RB1: variants seen among roughly 807,000 people sequenced by gnomAD.
The protein encoded by RB1 is retinoblastoma-associated protein.
RB1 carries 18 observed loss-of-function variants against 135.4 expected under a neutral mutation model. The ratio of observed to expected loss-of-function variants is 0.13; its 90% confidence interval spans 0.09 to 0.20. RB1 has a LOEUF of 0.20. Ranked by LOEUF, RB1 falls within the 10% of genes least tolerant of loss-of-function variation. The pLI, the probability that RB1 is intolerant of heterozygous loss-of-function variation, is 1.00. For synonymous variants in RB1, 365 were observed against 373.2 expected, an observed-to-expected ratio of 0.98 and a Z score of 0.25; for missense variants, 868 against 1,110.0, an observed-to-expected ratio of 0.78 and a Z score of 3.10.
At chr13:48,379,294 T>C (rs1335452374) in intron 13 of RB1, among the ~76,000 whole-genome samples, 1 of 152,172 alleles carries the variant, frequency 6.6e-6, no homozygotes, top group Non-Finnish European at 1.5e-5. Context: ...ATACTTAAGT[T>C]GTGAGTTTTA....
intron 17 of RB1, among the ~76,000 whole-genome samples, chr13:48,421,338 C>T (rs2138242949): frequency 6.6e-6 from 1 of 152,256 alleles, no homozygotes; most frequent in East Asian, 1.9e-4. Flanking sequence ...AACTGGACCC[C>T]TTTCTTACAC....
chr13:48,396,502 T>C (rs1948649476), intron 17 of RB1, among the ~76,000 whole-genome samples: 1 of 152,144 alleles, frequency 6.6e-6, no homozygotes, highest in Non-Finnish European at 1.5e-5. Context: ...TAACTCAAAA[T>C]GGATTAAAGA....
At chr13:48,307,226 A>G in intron 1 of RB1, 54 bp from the exon 2 acceptor site, 1 of 1,460,812 alleles carries the variant, frequency 6.8e-7, no homozygotes, top group Non-Finnish European at 9.6e-7. Flanking sequence ...GTATGTACTG[A>G]ATCAATTTGA....
intron 17 of RB1, among the ~76,000 whole-genome samples, chr13:48,398,607 A>G (rs1001309599): frequency 6.6e-6 from 1 of 151,874 alleles, no homozygotes; most frequent in African/African-American, 2.4e-5. Flanking sequence ...AGCTCTCTTT[A>G]AGTAATTTGT....
At position 48,400,554 on chromosome 13, in the gene RB1, C is replaced by T. The variant is rs367561910; in HGVS notation, c.1695+19111C>T. On this transcript the variant is annotated intron_variant, in intron 17 of 26. Transcript: ENST00000267163. Reference sequence around the variant, plus strand: ...TGTTACTATGCTATGGCAAAAAGGGCCTAGACTTTGAATTAGCGGATCTTA... The same window carrying T: ...TGTTACTATGCTATGGCAAAAAGGGTCTAGACTTTGAATTAGCGGATCTTA... 1.1e-4 allele frequency among the ~76,000 whole-genome samples: 16 copies of T among 152,148 alleles called. No individual in the cohort carries two copies. In the East Asian group the frequency reaches 1.4e-3, roughly 13 times the overall value.
At chr13:48,346,026 A>G (rs1033708094) in intron 4 of RB1, among the ~76,000 whole-genome samples, 2 of 151,772 alleles carry the variant, frequency 1.3e-5, no homozygotes, top group Non-Finnish European at 2.9e-5. Flanking sequence ...GAAAAAACTC[A>G]AAGGCCTAGG....
chr13:48,319,212 C>T lies in RB1; in HGVS notation c.264+11806C>T. The T allele has an allele frequency of 4.1e-6, 3 of 733,822 alleles. No homozygotes were observed. The highest frequency in any genetic ancestry group is 8.9e-4 in the Middle Eastern group (2 of 2,246). 45.5% of individuals were successfully genotyped at this position (733,822 alleles called of 1,614,324 possible). On this transcript the variant is annotated intron_variant, in intron 2 of 26. Coordinates refer to ENST00000267163, the MANE Select transcript of RB1 (RefSeq NM_000321.3). The surrounding 1 kb of genome is among the most constrained non-coding windows in gnomAD (Gnocchi z 5.0). The stretch of plus-strand genomic sequence containing the variant: ...TGTGGCCTTGGTGGCCACTGGCTTC[C>T]TCTAGCTGGGTGTTTTCCTGTGGGT...
intron 17 of RB1, chr13:48,408,767 C>T (rs1215284868): frequency 1.3e-5 from 2 of 152,086 alleles, no homozygotes; most frequent in African/African-American, 4.8e-5. Context: ...CATTTATCTT[C>T]CTGTTGACAA....
intron 26 of RB1, among the ~76,000 whole-genome samples, chr13:48,478,839 C>CA (rs1476023993): frequency 1.3e-5 from 2 of 152,184 alleles, no homozygotes; most frequent in Non-Finnish European, 2.9e-5. Flanking sequence ...ATAAAGAACT[C>CA]ATGCCTACCT....
intron 6 of RB1, among the ~76,000 whole-genome samples, chr13:48,356,463 GA>G (rs1005825025): frequency 2.0e-5 from 3 of 151,842 alleles, no homozygotes; most frequent in African/African-American, 7.2e-5. Context: ...CTAAGATTAT[GA>G]AAAAATGTGA....
chr13:48,341,692 G>A (rs761832741), intron 2 of RB1, among the ~76,000 whole-genome samples: 2 of 151,894 alleles, frequency 1.3e-5, no homozygotes, highest in Admixed American at 6.6e-5. Context: ...TTGGATGGTG[G>A]TAAACCTTTA....
intron 13 of RB1, among the ~76,000 whole-genome samples, chr13:48,378,886 C>T (rs1309457500): frequency 2.0e-5 from 3 of 151,920 alleles, no homozygotes; most frequent in Admixed American, 6.6e-5. Context: ...CGTTGTTATG[C>T]GGTGCATGAT....
chr13:48,338,103 G>T (rs552692694), intron 2 of RB1, among the ~76,000 whole-genome samples: 2 of 152,288 alleles, frequency 1.3e-5, no homozygotes, highest in South Asian at 4.1e-4. Flanking sequence ...CTCTCTGGCT[G>T]CCTTAACATT....
intron 24 of RB1, 37 bp downstream of exon 24, chr13:48,473,427 A>C (rs1227168769): frequency 1.3e-6 from 2 of 1,487,300 alleles, no homozygotes; most frequent in South Asian, 2.3e-5. Flanking sequence ...AATAGTATGC[A>C]TTGTAAGTAT....
intron 2 of RB1, among the ~76,000 whole-genome samples, chr13:48,324,907 A>T: frequency 1.4e-5 from 2 of 147,188 alleles, no homozygotes; most frequent in African/African-American, 2.5e-5. Flanking sequence ...AATTATTTGG[A>T]GCTTCATTCA....
chr13:48,328,003 C>G lies in RB1; in HGVS notation c.265-14596C>G, dbSNP rs554059295. 1.0e-3 allele frequency: 685 copies of G among 665,060 alleles called. 10 individuals are homozygous for G. The South Asian group carries it at 0.012, about 12-fold the overall frequency. 41.2% of individuals were successfully genotyped at this position (665,060 alleles called of 1,614,324 possible). A position where few individuals can be genotyped will look rare whatever the true frequency, so the allele number is the denominator to read the frequency against. ...AAAAAAAAGTGGCTCCAAAGGTAGT[C>G]TTATACCATTCTTAAAAAAAGGAAA... On this transcript the variant is annotated intron_variant, in intron 2 of 26. Coordinates refer to ENST00000267163, the MANE Select transcript of RB1 (RefSeq NM_000321.3).
intron 2 of RB1, chr13:48,318,440 G>C (rs1458373694): frequency 8.3e-6 from 12 of 1,454,526 alleles, no homozygotes; most frequent in African/African-American, 2.8e-5. Flanking sequence ...AGCTGCTCTT[G>C]TCTTCGGAGC....
intron 2 of RB1, among the ~76,000 whole-genome samples, chr13:48,312,110 A>G (rs1952136334): frequency 2.6e-5 from 4 of 152,294 alleles, no homozygotes; most frequent in African/African-American, 4.8e-5. Flanking sequence ...TTTTTTATCC[A>G]AATTTATATC....
At chr13:48,367,300 A>G (rs1166234943) in intron 9 of RB1, among the ~76,000 whole-genome samples, 194 bp from the exon 10 acceptor site, 1 of 152,166 alleles carries the variant, frequency 6.6e-6, no homozygotes, top group Non-Finnish European at 1.5e-5. Flanking sequence ...ACCTAAAATC[A>G]AAGTTGAACA....
Sources: allele counts gnomAD v4.1 joint callset (sites outside exome capture counted in the v4.1 genomes callset), GRCh38; gene constraint gnomAD v4.1.1; non-coding constraint Gnocchi (gnomAD v3.1); transcripts MANE v1.5; gene names NCBI Gene and HGNC (gene_info 2026-07-23, HGNC 2026-07-21).